PMEPA1: variants seen among roughly 807,000 people sequenced by gnomAD.
The protein encoded by PMEPA1 is prostate transmembrane protein, androgen induced 1, also known as protein TMEPAI.
Under a neutral mutation model 23.0 loss-of-function variants are expected in PMEPA1, and 11 were observed. The ratio of observed to expected loss-of-function variants is 0.48; its 90% CI spans 0.30 to 0.79. PMEPA1 has a LOEUF of 0.79. Ranked by LOEUF, PMEPA1 falls within the 30% of genes least tolerant of loss-of-function variation. The probability of loss-of-function intolerance (pLI) is 0.06; values close to 1 mark genes in which losing one functional copy is unlikely to be tolerated. For synonymous variants in PMEPA1, 204 were observed against 166.4 expected (o/e 1.23, Z -1.74); for missense variants, 377 against 390.9 (o/e 0.96, Z 0.30).
chr20:57,711,433 G>C (rs372623156), upstream of PMEPA1: 1 of 152,154 alleles, frequency 6.6e-6, no homozygotes, highest in Non-Finnish European at 1.5e-5. Flanking sequence ...CTCCCAGAAA[G>C]ACCAGGAGGC....
chr20:57,661,745 C>A (rs959646140), intron 1 of PMEPA1, among the ~76,000 whole-genome samples: 3 of 152,226 alleles, frequency 2.0e-5, no homozygotes, highest in African/African-American at 7.2e-5. Context: ...CTCCTGCCAC[C>A]AGCCTCGCTC....
intron 2 of PMEPA1, among the ~76,000 whole-genome samples, chr20:57,658,709 A>G (rs2071362047): frequency 6.6e-6 from 1 of 152,018 alleles, no homozygotes; most frequent in Non-Finnish European, 1.5e-5. Context: ...ACTGGTGGAG[A>G]TGGGATTAAA....
At chr20:57,667,769 C>T (rs948434588) in intron 1 of PMEPA1, among the ~76,000 whole-genome samples, 8 of 152,204 alleles carry the variant, frequency 5.3e-5, no homozygotes, top group African/African-American at 1.7e-4. Context: ...AGAGCCCCAG[C>T]GGCCCTGGGG....
chr20:57,684,865 G>GA (rs915852792), intron 1 of PMEPA1, among the ~76,000 whole-genome samples: 14 of 151,994 alleles, frequency 9.2e-5, no homozygotes, highest in African/African-American at 3.4e-4. Flanking sequence ...TGGGAGGGGG[G>GA]GGTCTCTGCC....
intron 1 of PMEPA1, among the ~76,000 whole-genome samples, chr20:57,666,528 G>A (rs2071494761): frequency 6.6e-6 from 1 of 152,194 alleles, no homozygotes; most frequent in Admixed American, 6.5e-5. Flanking sequence ...CTGACCGTTT[G>A]CCCGACCCCC....
rs1253190241 is a variant in PMEPA1, at chr20:57,709,718, G to C, written c.-136C>G. 1.1e-4 allele frequency: 103 copies of C among 978,294 alleles called. No homozygotes were observed. The highest frequency in any genetic ancestry group is 1.1e-4 in the Non-Finnish European group (95 of 827,112). The allele number at this position is 978,294 out of a possible 1,614,324, so 60.6% of individuals were successfully genotyped here. ...AGGCGCGCCCCGGCTCGCCGGGCTC[G>C]GGTCGCCGCCAAGTTCCCGGGGCGC... On this transcript the variant is annotated 5_prime_UTR_variant, in exon 1 of 4. Coordinates refer to ENST00000341744, the MANE Select transcript of PMEPA1 (RefSeq NM_020182.5).
intron 1 of PMEPA1, among the ~76,000 whole-genome samples, chr20:57,670,676 C>T (rs1290206418): frequency 6.6e-6 from 1 of 152,202 alleles, no homozygotes; most frequent in Non-Finnish European, 1.5e-5. Flanking sequence ...GCGTTGTATT[C>T]CGTCCCCAGC....
At position 57,655,526 on chromosome 20, in the gene PMEPA1, G is replaced by A. The variant is rs2071314749; in HGVS notation, c.265-2440C>T. ...GGTGACCCGTGCAAGTCATCTTTGT[G>A]GAATTAGGTTCCAAAGTGGCTTGAG... On this transcript the variant is annotated intron_variant, in intron 2 of 3. Coordinates refer to ENST00000341744, the MANE Select transcript of PMEPA1 (RefSeq NM_020182.5). The surrounding 1 kb of genome is among the most constrained non-coding windows in gnomAD (Gnocchi z 4.2). Among the ~76,000 whole-genome samples, 1 of 152,246 alleles carries A rather than the reference G, an allele frequency of 6.6e-6. No individual in the cohort carries two copies. The highest frequency in any genetic ancestry group is 1.5e-5 in the Non-Finnish European group (1 of 68,044).
chr20:57,708,535 G>C lies in PMEPA1; in HGVS notation c.109+939C>G, dbSNP rs191849836. ...AAGGTTCAAAACCCCACTCCCCACC[G>C]TTGGTCCACTGATCCCTTATTTAGG... On this transcript the variant is annotated intron_variant, in intron 1 of 3. Transcript: ENST00000341744. 2.0e-3 allele frequency among the ~76,000 whole-genome samples: 297 copies of C among 152,284 alleles called. 1 individual carries two copies. The highest frequency in any genetic ancestry group is 6.8e-3 in the Middle Eastern group (2 of 294).
chr20:57,710,214 G>A (rs2072155963), upstream of PMEPA1: 1 of 504,220 alleles, frequency 2.0e-6, no homozygotes, highest in Admixed American at 4.4e-5. Flanking sequence ...GAGGAGGGGC[G>A]CTGTGCCCTC....
Position 57,709,787 on chromosome 20 carries a change from G to C in PMEPA1, c.-205C>G. 1 of 981,988 alleles carries C rather than the reference G, an allele frequency of 1.0e-6. No homozygotes were observed. Among genetic ancestry groups the C allele is most frequent in the Non-Finnish European group, 1.2e-6 (1 of 828,318 alleles). 60.8% of individuals were successfully genotyped at this position (981,988 alleles called of 1,614,324 possible). ...GGACCGCGCTCCGCTGCGCCCCCCC[G>C]GCCTCCCCTCGGCAGCCCCGGGGGC... On this transcript the variant is annotated 5_prime_UTR_variant, in exon 1 of 4. Transcript: ENST00000341744.
In PMEPA1 at chr20:57,655,309, G is replaced by C. The variant is rs1428748183; in HGVS notation, c.265-2223C>G. Among the ~76,000 whole-genome samples the C allele has an allele frequency of 6.6e-6, 1 of 152,250 alleles. No homozygotes were observed. The highest frequency in any genetic ancestry group is 6.5e-5 in the Admixed American group (1 of 15,302). On this transcript the variant is annotated intron_variant, in intron 2 of 3. Coordinates refer to ENST00000341744, the MANE Select transcript of PMEPA1 (RefSeq NM_020182.5). The surrounding 1 kb of genome is among the most constrained non-coding windows in gnomAD (Gnocchi z 4.2). ...CCCAGAGCTCTCCGTTAGCCCCCCA[G>C]GCGGGTCAGGCACCTCCTCCCATCT...
intron 1 of PMEPA1, among the ~76,000 whole-genome samples, chr20:57,676,727 C>CA (rs757202880): frequency 1.3e-5 from 2 of 152,200 alleles, no homozygotes; most frequent in Non-Finnish European, 2.9e-5. Context: ...CTGGACCCCC[C>CA]ATGACGAGAG....
chr20:57,665,704 C>T (rs1044941670), intron 1 of PMEPA1, among the ~76,000 whole-genome samples: 6 of 152,204 alleles, frequency 3.9e-5, no homozygotes, highest in African/African-American at 1.2e-4. Flanking sequence ...AGAGTACAAG[C>T]CTGCTTAGCC....
chr20:57,675,167 G>A (rs933061330), intron 1 of PMEPA1, among the ~76,000 whole-genome samples: 7 of 96,812 alleles, frequency 7.2e-5, no homozygotes, highest in Admixed American at 9.8e-5. Flanking sequence ...CCCTCCACCC[G>A]TCCCGCCCAG....
At chr20:57,691,524 G>A (rs562843911) in intron 1 of PMEPA1, among the ~76,000 whole-genome samples, 18 of 152,254 alleles carry the variant, frequency 1.2e-4, no homozygotes, top group Admixed American at 3.3e-4. Flanking sequence ...CACTGGCACC[G>A]CTCCTCTCCC....
chr20:57,703,579 T>C (rs2072039626), intron 1 of PMEPA1, among the ~76,000 whole-genome samples: 1 of 152,184 alleles, frequency 6.6e-6, no homozygotes, highest in African/African-American at 2.4e-5. Flanking sequence ...GCAACGGGCA[T>C]GCTGGGGTCG....
In PMEPA1 at chr20:57,651,461, A is replaced by T. The variant is rs2071226905; in HGVS notation, c.*592T>A. The T allele has an allele frequency of 1.3e-5, 2 of 152,686 alleles. No homozygotes were observed. Among genetic ancestry groups the T allele is most frequent in the Admixed American group, 6.5e-5 (1 of 15,288 alleles). The allele number at this position is 152,686 out of a possible 1,614,324, so 9.5% of individuals were successfully genotyped here. A position where few individuals can be genotyped will look rare whatever the true frequency, so the allele number is the denominator to read the frequency against. On this transcript the variant is annotated 3_prime_UTR_variant, in exon 4 of 4. Coordinates refer to ENST00000341744, the MANE Select transcript of PMEPA1 (RefSeq NM_020182.5). ...GTGCAAAATCTCAACATTTATATAA[A>T]TAACTCTAAACCCCTGCTTTGTAAT...
chr20:57,657,682 T>C (rs1230236781), intron 2 of PMEPA1, among the ~76,000 whole-genome samples: 3 of 152,208 alleles, frequency 2.0e-5, no homozygotes, highest in Non-Finnish European at 4.4e-5. Flanking sequence ...GGTGACGCAC[T>C]GAGGCTGGGG....
Sources: allele counts gnomAD v4.1 joint callset (sites outside exome capture counted in the v4.1 genomes callset), GRCh38; gene constraint gnomAD v4.1.1; non-coding constraint Gnocchi (gnomAD v3.1); transcripts MANE v1.5; gene names NCBI Gene and HGNC (gene_info 2026-07-23, HGNC 2026-07-21).